GRM3: variants seen among roughly 807,000 people sequenced by gnomAD.
GRM3 encodes glutamate metabotropic receptor 3.
Under a neutral mutation model 70.5 loss-of-function variants are expected in GRM3, and 26 were observed. That is an observed-to-expected ratio of 0.37 (90% CI 0.27 to 0.51). GRM3 has a LOEUF of 0.51. GRM3 is among the 20% of genes least tolerant of loss of function. The probability of loss-of-function intolerance (pLI) is 0.93; values close to 1 mark genes in which losing one functional copy is unlikely to be tolerated. For synonymous variants in GRM3, 443 were observed against 434.9 expected (o/e 1.02, Z -0.23); for missense variants, 859 against 1,123.8 (o/e 0.76, Z 3.37).
intron 1 of GRM3, among the ~76,000 whole-genome samples, chr7:86,733,381 AAAG>A (rs1795783610): frequency 6.6e-6 from 1 of 152,012 alleles, no homozygotes; most frequent in Non-Finnish European, 1.5e-5. Flanking sequence ...CCCATTGACA[AAAG>A]AAGGGCTGAG....
chr7:86,827,842 G>A lies in GRM3; in HGVS notation c.1325-10997G>A, dbSNP rs559522269. Among the ~76,000 whole-genome samples, 3 of 152,256 alleles carry A rather than the reference G, an allele frequency of 2.0e-5. No homozygotes were observed. The East Asian group carries it at 5.8e-4, about 30-fold the overall frequency. On this transcript the variant is annotated intron_variant, in intron 3 of 5. Transcript: ENST00000361669. ...AGAGAGAAAAATCCAGGCCGGTGCG[G>A]TGGCTCACACCTGTAACCCCAGCAC... is the stretch of plus-strand genomic sequence containing the variant.
chr7:86,766,565 A>G (rs1214261872), intron 2 of GRM3, among the ~76,000 whole-genome samples: 2 of 152,134 alleles, frequency 1.3e-5, no homozygotes, highest in Non-Finnish European at 2.9e-5. Flanking sequence ...CATTTTCCCA[A>G]TCCCCAGAAA....
intron 3 of GRM3, among the ~76,000 whole-genome samples, chr7:86,799,858 T>C (rs1212370918): frequency 6.6e-6 from 1 of 152,188 alleles, no homozygotes; most frequent in Non-Finnish European, 1.5e-5. Flanking sequence ...GTTTTTAACG[T>C]GAAGGTATGT....
chr7:86,843,846 G>A (rs540862182), intron 4 of GRM3, among the ~76,000 whole-genome samples: 28 of 152,254 alleles, frequency 1.8e-4, no homozygotes, highest in African/African-American at 6.3e-4. Context: ...ATGCTGTAAT[G>A]AGATTTTTAA....
At chr7:86,711,343 T>A (rs1459644837) in intron 1 of GRM3, among the ~76,000 whole-genome samples, 1 of 152,086 alleles carries the variant, frequency 6.6e-6, no homozygotes, top group Non-Finnish European at 1.5e-5. Context: ...CACATATGTA[T>A]ATAAATATGT....
At chr7:86,813,703 A>G (rs1797959289) in intron 3 of GRM3, among the ~76,000 whole-genome samples, 1 of 151,756 alleles carries the variant, frequency 6.6e-6, no homozygotes, top group African/African-American at 2.4e-5. Context: ...GTTAGCTAAG[A>G]GGTGTATGGA....
intron 3 of GRM3, among the ~76,000 whole-genome samples, chr7:86,825,282 A>G (rs989748341): frequency 1.3e-5 from 2 of 152,238 alleles, no homozygotes; most frequent in Non-Finnish European, 2.9e-5. Flanking sequence ...TTTAAATCAT[A>G]ACTTCTTAAA....
intron 1 of GRM3, among the ~76,000 whole-genome samples, chr7:86,675,567 G>T (rs1445630826): frequency 6.6e-6 from 1 of 151,988 alleles, no homozygotes; most frequent in Non-Finnish European, 1.5e-5. Flanking sequence ...GACTTAACAT[G>T]TTCTTGGAGA....
intron 2 of GRM3, among the ~76,000 whole-genome samples, chr7:86,768,098 C>T (rs1796651683): frequency 6.8e-6 from 1 of 146,728 alleles, no homozygotes; most frequent in African/African-American, 2.5e-5. Context: ...AACAGAAAGA[C>T]CTGAGTTTGA....
chr7:86,798,539 C>G (rs1036293005), intron 3 of GRM3, among the ~76,000 whole-genome samples: 1 of 152,130 alleles, frequency 6.6e-6, no homozygotes, highest in Admixed American at 6.5e-5. Flanking sequence ...GCCTGTACCC[C>G]CATTGTATAT....
chr7:86,730,344 C>T (rs1000519431), intron 1 of GRM3, among the ~76,000 whole-genome samples: 4 of 151,596 alleles, frequency 2.6e-5, no homozygotes, highest in East Asian at 1.9e-4. Flanking sequence ...CACTTGTAAC[C>T]GGGAGGCGGA....
chr7:86,671,856 C>G (rs1044911756), intron 1 of GRM3, among the ~76,000 whole-genome samples: 16 of 152,160 alleles, frequency 1.1e-4, no homozygotes, highest in South Asian at 4.1e-4. Flanking sequence ...ATTCCCCAGT[C>G]TCCTTATCCA....
chr7:86,851,635 T>C (rs1208592965), intron 5 of GRM3, among the ~76,000 whole-genome samples: 1 of 152,122 alleles, frequency 6.6e-6, no homozygotes, highest in East Asian at 1.9e-4. Context: ...CCAATTTCTC[T>C]ACCAAAGTAC....
intron 3 of GRM3, among the ~76,000 whole-genome samples, chr7:86,822,018 G>C (rs1798131154): frequency 6.6e-6 from 1 of 151,702 alleles, no homozygotes; most frequent in Non-Finnish European, 1.5e-5. Flanking sequence ...TCATCAAGCA[G>C]GTTGATCTGC....
chr7:86,738,959 C>T (rs774405313), intron 1 of GRM3, among the ~76,000 whole-genome samples: 3 of 152,154 alleles, frequency 2.0e-5, no homozygotes, highest in Non-Finnish European at 2.9e-5. Context: ...ACTATCATCA[C>T]TATGTTGTAC....
chr7:86,746,417 G>A (rs1796107582), intron 1 of GRM3, among the ~76,000 whole-genome samples: 1 of 141,602 alleles, frequency 7.1e-6, no homozygotes, highest in African/African-American at 2.7e-5. Context: ...AGAGGAGACA[G>A]GAGTGTTTTG....
chr7:86,675,510 T>C (rs1040687393), intron 1 of GRM3, among the ~76,000 whole-genome samples: 4 of 152,042 alleles, frequency 2.6e-5, no homozygotes, highest in African/African-American at 9.7e-5. Flanking sequence ...CTTTAAAAAG[T>C]AACACTAACA....
intron 2 of GRM3, among the ~76,000 whole-genome samples, chr7:86,772,408 C>T (rs1002760265): frequency 1.2e-4 from 19 of 152,218 alleles, no homozygotes; most frequent in African/African-American, 4.6e-4. Flanking sequence ...AAAAGACAGA[C>T]AATGTTGCAA....
chr7:86,850,543 G>T lies in GRM3; in HGVS notation c.2565G>T (p.Gln855His), dbSNP rs146539851. Residue 855 changes from glutamine (Q) to histidine (H), a missense_variant and splice_region_variant, in exon 5 of 6, where the codon CAG becomes CAT. Transcript: ENST00000361669. Reference protein sequence around the residue: ...SVSGTGTTYSQSSASTYVPTV... With the variant: ...SVSGTGTTYSHSSASTYVPTV... ...GTGGAACTGGGACCACATACTCTCA[G>T]TGTAAGTATGGAACTCAGCACTAAC... The T allele has an allele frequency of 2.5e-6, 4 of 1,594,422 alleles. No individual in the cohort carries two copies. The highest frequency in any genetic ancestry group is 3.4e-6 in the Non-Finnish European group (4 of 1,162,400).
Sources: gnomAD v4.1 joint callset for allele counts (sites outside exome capture counted in the v4.1 genomes callset) on GRCh38, gnomAD v4.1.1 for gene constraint, MANE v1.5 for transcripts, NCBI Gene and HGNC (gene_info 2026-07-23, HGNC 2026-07-21) for gene names.